Variants in CACNA1C observed in about 807,000 individuals in gnomAD.
CACNA1C encodes the protein calcium voltage-gated channel subunit alpha1 C, also known as voltage-dependent L-type calcium channel subunit alpha-1C.
CACNA1C carries 30 observed loss-of-function variants against 229.0 expected under a neutral mutation model. The observed-to-expected ratio is 0.13, with a 90% CI of 0.10 to 0.18. The LOEUF (loss-of-function observed/expected upper bound fraction) is 0.18. CACNA1C is among the 10% of genes least tolerant of loss of function. The pLI, the probability that CACNA1C is intolerant of heterozygous loss-of-function variation, is 1.00. For missense variants in CACNA1C, 1,658 were observed against 2,845.0 expected (o/e 0.58, Z 9.49); for synonymous variants, 1,114 against 1,132.5 (o/e 0.98, Z 0.33).
chr12:2,556,763 T>C (rs2044518105), intron 10 of CACNA1C, among the ~76,000 whole-genome samples, 188 bp from the exon 11 acceptor site: 1 of 152,200 alleles, frequency 6.6e-6, no homozygotes, highest in Non-Finnish European at 1.5e-5. Context: ...AGGCCAGACC[T>C]CAGTCTCCAC....
rs866428855 is a variant in CACNA1C, at chr12:2,625,731, G to A, written c.3829-8566G>A. Among the ~76,000 whole-genome samples, 18 of 150,988 alleles carry A rather than the reference G, an allele frequency of 1.2e-4. 1 individual carries two copies. The Middle Eastern group carries it at 0.02, about 171-fold the overall frequency. On this transcript the variant is annotated intron_variant, in intron 29 of 46. Coordinates refer to ENST00000399655, the MANE Select transcript of CACNA1C (RefSeq NM_000719.7). ...TTTAGGAGGCCGAGGCCAAAGGGCC[G>A]TTTGAGCCCAGGAGTTCAAGACCAC... is the stretch of plus-strand genomic sequence containing the variant.
chr12:2,203,583 A>G (rs1226702844), intron 3 of CACNA1C, among the ~76,000 whole-genome samples: 1 of 152,152 alleles, frequency 6.6e-6, no homozygotes, highest in Non-Finnish European at 1.5e-5. Context: ...CTGCAGTCCT[A>G]TGGCCAAGCC....
intron 42 of CACNA1C, chr12:2,682,146 G>A: frequency 1.4e-6 from 1 of 736,750 alleles, no homozygotes; most frequent in South Asian, 1.8e-5. Flanking sequence ...TCTCAGCTAT[G>A]CCAAATGCCA....
At position 2,567,547 on chromosome 12, in the gene CACNA1C, A is replaced by G. The variant is rs368689831; in HGVS notation, c.1670-22A>G. ...CCTCCTCTGGCCCTGCTCGGATCTCATCCCTCTCCTGGGCCTGCCAGACAC... is the reference window on the plus strand; with the variant it reads ...CCTCCTCTGGCCCTGCTCGGATCTCGTCCCTCTCCTGGGCCTGCCAGACAC... On this transcript the variant is annotated intron_variant, in intron 12 of 46. Coordinates refer to ENST00000399655, the MANE Select transcript of CACNA1C (RefSeq NM_000719.7). 183 of 1,512,360 alleles carry G rather than the reference A, an allele frequency of 1.2e-4. 1 individual carries two copies. The African/African-American group carries it at 2.3e-3, about 19-fold the overall frequency. 93.7% of individuals were successfully genotyped at this position (1,512,360 alleles called of 1,614,324 possible).
intron 5 of CACNA1C, among the ~76,000 whole-genome samples, chr12:2,485,435 C>G (rs958521186): frequency 1.3e-5 from 2 of 152,276 alleles, no homozygotes; most frequent in Admixed American, 1.3e-4. Flanking sequence ...TAAGGGGGGC[C>G]TTCTCCCCAT....
At chr12:2,339,502 C>G (rs774355550) in intron 3 of CACNA1C, among the ~76,000 whole-genome samples, 16 of 152,200 alleles carry the variant, frequency 1.1e-4, no homozygotes, top group Non-Finnish European at 2.1e-4. Context: ...GCTTTATAAA[C>G]TTTAATTTTT....
chr12:2,115,532 A>C lies in CACNA1C; in HGVS notation c.358A>C (p.Ile120Leu). 6.2e-7 allele frequency: 1 copy of C among 1,613,306 alleles called. No individual in the cohort carries two copies. Among genetic ancestry groups the C allele is most frequent in the Non-Finnish European group, 8.5e-7 (1 of 1,179,828 alleles). The change falls in exon 2 of 47, where the codon ATT becomes CTT. Residue 120 changes from isoleucine to leucine, a missense_variant. Transcript: ENST00000399655. ...CCCCATCCGGAGGGCCTGCATCAGC[A>C]TTGTCGAATGGAAATATCCTTTGTT... The part of the protein sequence containing the change: ...KNPIRRACIS[I>L]VEWKPFEIII...
In CACNA1C at chr12:2,108,251, G is replaced by T. The variant is rs1476480400; in HGVS notation, c.50-6973G>T. Among the ~76,000 whole-genome samples the T allele has an allele frequency of 6.6e-6, 1 of 152,220 alleles. No individual in the cohort carries two copies. The highest frequency in any genetic ancestry group is 1.5e-5 in the Non-Finnish European group (1 of 68,040). On this transcript the variant is annotated intron_variant, in intron 1 of 46. Transcript: ENST00000399655. This position sits in a 1 kb window ranked among gnomAD's most constrained non-coding sequence, Gnocchi z 5.3. ...GGCTTATACAATAATTGGAAATGCTGCAAGAGCAGGCTTTAGGCCGGGTCT... is the reference window on the plus strand; with the variant it reads ...GGCTTATACAATAATTGGAAATGCTTCAAGAGCAGGCTTTAGGCCGGGTCT...
At chr12:2,645,716 G>A (rs991544173) in intron 30 of CACNA1C, among the ~76,000 whole-genome samples, 1 of 152,214 alleles carries the variant, frequency 6.6e-6, no homozygotes, top group Non-Finnish European at 1.5e-5. Context: ...ATCACTCAGG[G>A]ATTGCTCTCT....
At chr12:2,353,592 C>T (rs528572326) in intron 3 of CACNA1C, among the ~76,000 whole-genome samples, 94 of 152,280 alleles carry the variant, frequency 6.2e-4, no homozygotes, top group African/African-American at 1.9e-3. Context: ...ATGGAGGAGA[C>T]GGGTCAGCAG....
chr12:2,001,714 T>C (rs1249273415), intron 1 of CACNA1C, among the ~76,000 whole-genome samples: 2 of 152,212 alleles, frequency 1.3e-5, no homozygotes, highest in African/African-American at 4.8e-5. Flanking sequence ...TTTTTCACTT[T>C]TAAAAAACTC....
chr12:2,378,477 G>A (rs1046747140), intron 3 of CACNA1C, among the ~76,000 whole-genome samples: 2 of 152,156 alleles, frequency 1.3e-5, no homozygotes, highest in African/African-American at 2.4e-5. Context: ...ATCATCAAAC[G>A]TAAGCACATA....
chr12:2,000,491 G>A (rs1227240521), intron 1 of CACNA1C, among the ~76,000 whole-genome samples: 2 of 150,034 alleles, frequency 1.3e-5, no homozygotes, highest in Admixed American at 1.3e-4. Context: ...AACCTTTAAT[G>A]CCACATTTTA....
At chr12:2,369,403 C>CTTT (rs372810217) in intron 3 of CACNA1C, among the ~76,000 whole-genome samples, 4,101 of 142,020 alleles carry the variant, frequency 0.029, 212 homozygotes, top group African/African-American at 0.097. Context: ...CTTTACATAC[C>CTTT]TTTTTTTTTT....
intron 4 of CACNA1C, among the ~76,000 whole-genome samples, chr12:2,449,740 C>G (rs1322039562): frequency 6.6e-6 from 1 of 152,212 alleles, no homozygotes; most frequent in Non-Finnish European, 1.5e-5. Flanking sequence ...GTAGGATATC[C>G]CCCTGCTTAA....
At chr12:2,484,382 G>C (rs898909447) in intron 5 of CACNA1C, among the ~76,000 whole-genome samples, 4 of 152,186 alleles carry the variant, frequency 2.6e-5, no homozygotes, top group Admixed American at 6.5e-5. Context: ...ACTGGAGTGG[G>C]TTGGGGAGAG....
chr12:2,569,370 T>A (rs1319306837), intron 13 of CACNA1C, among the ~76,000 whole-genome samples: 1 of 152,222 alleles, frequency 6.6e-6, no homozygotes, highest in Non-Finnish European at 1.5e-5. Flanking sequence ...ATTGTTTTTT[T>A]ATATTCATGG....
Position 2,696,571 on chromosome 12 carries a change from T to A in CACNA1C, c.*5372T>A, listed in dbSNP as rs2097843704. On this transcript the variant is annotated 3_prime_UTR_variant, in exon 47 of 47. Transcript: ENST00000399655. ...TACATTGTACATTCATTTCTAAAATTCACTCATGCACCTCAAACCAAGGTC... is the reference window on the plus strand; with the variant it reads ...TACATTGTACATTCATTTCTAAAATACACTCATGCACCTCAAACCAAGGTC... 1 of 147,926 alleles carries A rather than the reference T, an allele frequency of 6.8e-6. No homozygotes were observed. The highest frequency in any genetic ancestry group is 6.7e-5 in the Admixed American group (1 of 14,840). 9.2% of individuals were successfully genotyped at this position (147,926 alleles called of 1,614,324 possible).
rs990047213 is a variant in CACNA1C at position 2,054,296 on chromosome 12, C to G, written c.49+685C>G. Among the ~76,000 whole-genome samples the G allele has an allele frequency of 3.9e-5, 6 of 152,146 alleles. No individual in the cohort carries two copies. The highest frequency in any genetic ancestry group is 7.4e-5 in the Non-Finnish European group (5 of 68,016). Reference sequence around the variant, plus strand: ...CCACCCACCTCTCCACTGCTGTTGACCCCGAGCGCGCCCACGCCGCGTGTG... The same window carrying G: ...CCACCCACCTCTCCACTGCTGTTGAGCCCGAGCGCGCCCACGCCGCGTGTG... On this transcript the variant is annotated intron_variant, in intron 1 of 46. Transcript: ENST00000399655. This position sits in a 1 kb window ranked among gnomAD's most constrained non-coding sequence, Gnocchi z 5.5.
Sources: allele counts gnomAD v4.1 joint callset (sites outside exome capture counted in the v4.1 genomes callset), GRCh38; gene constraint gnomAD v4.1.1; non-coding constraint Gnocchi (gnomAD v3.1); transcripts MANE v1.5; gene names NCBI Gene and HGNC (gene_info 2026-07-23, HGNC 2026-07-21).